Variants in RBMS3 observed in about 807,000 individuals in gnomAD.
The protein encoded by RBMS3 is RNA-binding motif, single-stranded-interacting protein 3.
Under a neutral mutation model 66.8 loss-of-function variants are expected in RBMS3, and 27 were observed. That is an observed-to-expected ratio of 0.40 (90% confidence interval 0.30 to 0.56). The LOEUF (loss-of-function observed/expected upper bound fraction) is 0.56, where lower values mean the gene tolerates loss of function less well. Among genes scored for constraint, RBMS3 ranks in the 20% least tolerant of loss-of-function variants. RBMS3 has a pLI of 0.40. For synonymous variants in RBMS3, 188 were observed against 183.0 expected, an observed-to-expected ratio of 1.03 and a Z score of -0.22; for missense variants, 513 against 549.5, an observed-to-expected ratio of 0.93 and a Z score of 0.66.
intron 4 of RBMS3, among the ~76,000 whole-genome samples, chr3:29,728,252 C>G (rs887397369): frequency 6.6e-6 from 1 of 150,812 alleles, no homozygotes; most frequent in African/African-American, 2.4e-5. Context: ...AAATACCTAA[C>G]TCATGCGAGG....
At chr3:29,668,820 T>C (rs1418401496) in intron 4 of RBMS3, among the ~76,000 whole-genome samples, 1 of 152,246 alleles carries the variant, frequency 6.6e-6, no homozygotes, top group East Asian at 1.9e-4. Flanking sequence ...TTTTCAGTTA[T>C]ATAACTGAGG....
intron 1 of RBMS3, among the ~76,000 whole-genome samples, chr3:29,361,953 T>C (rs1405558679): frequency 6.6e-6 from 1 of 152,212 alleles, no homozygotes; most frequent in Non-Finnish European, 1.5e-5. Flanking sequence ...ATTAGTCGAA[T>C]CTTTTTTCAA....
chr3:29,709,443 TGAAAA>T (rs1424536710), intron 4 of RBMS3, among the ~76,000 whole-genome samples: 2 of 152,180 alleles, frequency 1.3e-5, no homozygotes, highest in African/African-American at 2.4e-5. Context: ...TTGGAGAAAA[TGAAAA>T]GAGTATATTC....
chr3:29,614,897 A>G (rs565452001), intron 4 of RBMS3: 1 of 152,322 alleles, frequency 6.6e-6, no homozygotes, highest in African/African-American at 2.4e-5. Context: ...TTACTCTATA[A>G]GGGAGTAGTA....
chr3:29,873,294 G>C (rs571113889), intron 7 of RBMS3, among the ~76,000 whole-genome samples: 1 of 152,198 alleles, frequency 6.6e-6, no homozygotes, highest in East Asian at 1.9e-4. Context: ...TCATCATAGA[G>C]ACCTTTCACC....
chr3:29,666,987 A>T (rs528864350), intron 4 of RBMS3, among the ~76,000 whole-genome samples: 30 of 152,304 alleles, frequency 2.0e-4, no homozygotes, highest in African/African-American at 7.0e-4. Flanking sequence ...GAATAAAAAC[A>T]GTTTTACTGC....
At chr3:29,876,877 A>C (rs576564134) in intron 7 of RBMS3, among the ~76,000 whole-genome samples, 1 of 152,098 alleles carries the variant, frequency 6.6e-6, no homozygotes. Flanking sequence ...GCACTTGATC[A>C]TGAGATTTCT....
intron 10 of RBMS3, among the ~76,000 whole-genome samples, chr3:29,908,331 A>T (rs2060435075): frequency 6.6e-6 from 1 of 152,004 alleles, no homozygotes; most frequent in African/African-American, 2.4e-5. Context: ...TGCATAGTTG[A>T]TAGTCATGTT....
intron 7 of RBMS3, among the ~76,000 whole-genome samples, chr3:29,869,330 ATGTT>A (rs2149550932): frequency 6.6e-6 from 1 of 152,220 alleles, no homozygotes; most frequent in East Asian, 1.9e-4. Context: ...GGAAAGTTGA[ATGTT>A]TGTGTTTTGA....
At chr3:29,733,095 A>C (rs1229405565) in intron 4 of RBMS3, among the ~76,000 whole-genome samples, 1 of 152,148 alleles carries the variant, frequency 6.6e-6, no homozygotes, top group Non-Finnish European at 1.5e-5. Flanking sequence ...GCTCCATGTA[A>C]GGTAATATTA....
chr3:29,580,684 T>A lies in RBMS3; in HGVS notation c.308-6430T>A, dbSNP rs560204255. On this transcript the variant is annotated intron_variant, in intron 3 of 14. Coordinates refer to ENST00000383767, the MANE Select transcript of RBMS3 (RefSeq NM_001003793.3). The stretch of plus-strand genomic sequence containing the variant: ...TAGATGCTTAGTAAATTTAATAATA[T>A]AATAATAATAATAATAATAATAATA... 8.3e-3 allele frequency among the ~76,000 whole-genome samples: 700 copies of A among 83,904 alleles called. 30 individuals carry two copies. In the East Asian group the frequency reaches 0.13, roughly 15 times the overall value. The allele number at this position is 83,904 out of a possible 152,430, so 55.0% of individuals were successfully genotyped here. A position where few individuals can be genotyped will look rare whatever the true frequency, so the allele number is the denominator to read the frequency against.
intron 1 of RBMS3, among the ~76,000 whole-genome samples, chr3:29,334,968 A>G (rs1463445026): frequency 6.6e-6 from 1 of 152,200 alleles, no homozygotes; most frequent in Non-Finnish European, 1.5e-5. Flanking sequence ...TTGTTTTACA[A>G]TGGAAGCATT....
intron 1 of RBMS3, among the ~76,000 whole-genome samples, chr3:29,335,587 CAAAGCTCTTCT>C (rs2035899276): frequency 6.6e-6 from 1 of 152,158 alleles, no homozygotes; most frequent in Non-Finnish European, 1.5e-5. Context: ...GGCCTGGTGC[CAAAGCTCTTCT>C]AAGCACTCTA....
intron 12 of RBMS3, among the ~76,000 whole-genome samples, chr3:29,957,022 T>C (rs543067565): frequency 2.0e-5 from 3 of 152,258 alleles, no homozygotes; most frequent in Non-Finnish European, 4.4e-5. Context: ...AATCCTCATC[T>C]AGAATGTGTT....
chr3:29,899,579 G>T, intron 9 of RBMS3, 126 bp from the exon 10 acceptor site: 1 of 716,136 alleles, frequency 1.4e-6, no homozygotes, highest in South Asian at 2.2e-5. Flanking sequence ...CCTTGGTTTT[G>T]AGCACGAATT....
intron 6 of RBMS3, among the ~76,000 whole-genome samples, chr3:29,802,569 C>G (rs2057423684): frequency 6.6e-6 from 1 of 152,190 alleles, no homozygotes; most frequent in Non-Finnish European, 1.5e-5. Context: ...TTGCTCCTGA[C>G]AAATAGCATG....
At chr3:29,447,660 A>G (rs2041879238) in intron 2 of RBMS3, among the ~76,000 whole-genome samples, 1 of 152,262 alleles carries the variant, frequency 6.6e-6, no homozygotes. Context: ...AGTAAGTATT[A>G]GGATTATGAG....
rs141665945 is a variant in RBMS3, at chr3:29,671,421, G to A, written c.400-68299G>A. On this transcript the variant is annotated intron_variant, in intron 4 of 14. Transcript: ENST00000383767. The stretch of plus-strand genomic sequence containing the variant: ...CGCTAGCAATAGAACAAAGCTGGAC[G>A]GAGAATGACTTTGACAAGTTGACAA... 3.1e-4 allele frequency among the ~76,000 whole-genome samples: 47 copies of A among 152,236 alleles called. No individual in the cohort carries two copies. In the East Asian group the frequency reaches 7.5e-3, roughly 24 times the overall value.
At chr3:29,595,564 G>C (rs1381540187) in intron 4 of RBMS3, among the ~76,000 whole-genome samples, 3 of 152,090 alleles carry the variant, frequency 2.0e-5, no homozygotes, top group African/African-American at 7.2e-5. Flanking sequence ...TTCATTCATG[G>C]CTTTAATAAT....
Sources: allele counts gnomAD v4.1 joint callset (sites outside exome capture counted in the v4.1 genomes callset), GRCh38; gene constraint gnomAD v4.1.1; transcripts MANE v1.5; gene names NCBI Gene and HGNC (gene_info 2026-07-23, HGNC 2026-07-21).